ARMC1: variants seen among roughly 807,000 people sequenced by gnomAD.
ARMC1 encodes armadillo repeat containing 1.
A neutral mutation model predicts 31.4 loss-of-function variants in ARMC1; 16 were observed. The ratio of observed to expected loss-of-function variants is 0.51; its 90% CI spans 0.34 to 0.77. The LOEUF (loss-of-function observed/expected upper bound fraction) is 0.77, where lower values mean the gene tolerates loss of function less well. ARMC1 is among the 30% of genes least tolerant of loss of function. The pLI is 0.01. For missense variants in ARMC1, 259 were observed against 347.5 expected (o/e 0.75, Z 2.02); for synonymous variants, 114 against 118.9 (o/e 0.96, Z 0.27).
chr8:65,612,674 CA>C (rs1030909090), intron 4 of ARMC1, among the ~76,000 whole-genome samples: 2 of 149,994 alleles, frequency 1.3e-5, no homozygotes, highest in Non-Finnish European at 3.0e-5. Flanking sequence ...CCAGCCTGGC[CA>C]ACATGGTGAT....
At position 65,623,082 on chromosome 8, in the gene ARMC1, G is replaced by T. The variant is rs1317596631; in HGVS notation, c.184-728C>A. Among the ~76,000 whole-genome samples the T allele has an allele frequency of 3.3e-5, 5 of 151,326 alleles. 1 individual carries two copies. The highest frequency in any genetic ancestry group is 7.4e-5 in the Non-Finnish European group (5 of 67,902). On this transcript the variant is annotated intron_variant, in intron 2 of 6. Transcript: ENST00000276569. ...CTCAGCACTTTAGGAGGCCAAGGCGGGTGGGTCACGAGGTCAGGGGTTCGA... is the reference window on the plus strand; with the variant it reads ...CTCAGCACTTTAGGAGGCCAAGGCGTGTGGGTCACGAGGTCAGGGGTTCGA...
rs776987740 is a variant in ARMC1 at position 65,627,316 on chromosome 8, G to A, written c.83C>T (p.Pro28Leu). The change falls in exon 2 of 7, where the codon CCG (proline) becomes CTG (leucine). Residue 28 changes from proline to leucine, a missense_variant. Physicochemically the swap from Pro to Leu is moderately conservative, Grantham distance 98 (BLOSUM62 -3). Around this residue, in one of 3 missense-constraint regions of ARMC1, gnomAD observed 163 missense variants for 186.7 expected, o/e 0.87. Transcript: ENST00000276569. ...VNQLRDLAAD[P>L]LNRRAIVQDQ... ...CTGGACGATGGCTCTTCTGTTTAAC[G>A]GATCTGCTGCTAGATCCCGTAACTG... is the stretch of plus-strand genomic sequence containing the variant. 10 of 1,613,466 alleles carry A rather than the reference G, an allele frequency of 6.2e-6. No homozygotes were observed. Among genetic ancestry groups the A allele is most frequent in the Non-Finnish European group, 8.5e-6 (10 of 1,179,724 alleles).
At chr8:65,618,723 T>A (rs1307421446) in intron 3 of ARMC1, among the ~76,000 whole-genome samples, 3 of 151,632 alleles carry the variant, frequency 2.0e-5, no homozygotes, top group Admixed American at 6.6e-5. Context: ...CAAGAAACCA[T>A]CCCAATGTTT....
Position 65,615,776 on chromosome 8 carries a change from T to C in ARMC1, c.276-2343A>G, listed in dbSNP as rs541433041. On this transcript the variant is annotated intron_variant, in intron 3 of 6. Transcript: ENST00000276569. ...CAGGTGTGGTGGTGGGTGCCTGTAA[T>C]CCCAGCTACTCAGGCGGTGGAGGCA... Among the ~76,000 whole-genome samples the C allele has an allele frequency of 3.8e-4, 58 of 152,182 alleles. 1 individual carries two copies. Among genetic ancestry groups the C allele is most frequent in the Non-Finnish European group, 2.9e-5 (2 of 68,006 alleles).
chr8:65,627,187 A>C, intron 2 of ARMC1, 29 bp downstream of exon 2: 3 of 1,521,198 alleles, frequency 2.0e-6, no homozygotes, highest in South Asian at 1.3e-5. Context: ...AAAATAGAAC[A>C]GAGATTGAAA....
rs1202067047 is a variant in ARMC1, at chr8:65,620,283, T to C, written c.275+1980A>G. Among the ~76,000 whole-genome samples the C allele has an allele frequency of 2.1e-5, 3 of 142,830 alleles. No homozygotes were observed. The East Asian group carries it at 6.0e-4, about 29-fold the overall frequency. 93.7% of individuals were successfully genotyped at this position (142,830 alleles called of 152,430 possible). On this transcript the variant is annotated intron_variant, in intron 3 of 6. Coordinates refer to ENST00000276569, the MANE Select transcript of ARMC1 (RefSeq NM_018120.6). ...TGAGTTTTTAATTTTAATTAATTAT[T>C]ATTATTATTACTTTTTTTTTTTTTT...
In ARMC1 at chr8:65,602,576, A is replaced by G. The variant is rs1167701460; in HGVS notation, c.*1818T>C. ...TCTGGAATAAAGAACTCTTAGAATT[A>G]GAACACACAAACATCAAGCTGTAAT... is the stretch of plus-strand genomic sequence containing the variant. On this transcript the variant is annotated 3_prime_UTR_variant, in exon 7 of 7. Transcript: ENST00000276569. 1.3e-5 allele frequency: 2 copies of G among 152,230 alleles called. No individual in the cohort carries two copies. The highest frequency in any genetic ancestry group is 2.9e-5 in the Non-Finnish European group (2 of 68,028). The allele number at this position is 152,230 out of a possible 1,614,324, so 9.4% of individuals were successfully genotyped here.
At chr8:65,633,083 C>T (rs940095935) in intron 1 of ARMC1, 1 of 152,212 alleles carries the variant, frequency 6.6e-6, no homozygotes, top group African/African-American at 2.4e-5. Context: ...GCCTATGCTA[C>T]TTGTCACACT....
At chr8:65,629,169 A>AT (rs1808582128) in intron 1 of ARMC1, among the ~76,000 whole-genome samples, 1 of 151,680 alleles carries the variant, frequency 6.6e-6, no homozygotes, top group Non-Finnish European at 1.5e-5. Context: ...AAAAAAAAAA[A>AT]GAAAGAAAGA....
intron 4 of ARMC1, among the ~76,000 whole-genome samples, chr8:65,610,906 T>C (rs900890842): frequency 2.6e-5 from 4 of 152,160 alleles, no homozygotes; most frequent in South Asian, 2.1e-4. Context: ...ATGAAATTTA[T>C]TGGCATAAAG....
chr8:65,624,768 T>C (rs199992862), intron 2 of ARMC1, among the ~76,000 whole-genome samples: 1 of 150,232 alleles, frequency 6.7e-6, no homozygotes, highest in African/African-American at 2.5e-5. Context: ...TAAATTAAAA[T>C]AAAAACAAAA....
chr8:65,615,665 C>T (rs184929087), intron 3 of ARMC1, among the ~76,000 whole-genome samples: 34 of 152,124 alleles, frequency 2.2e-4, no homozygotes, highest in African/African-American at 7.2e-4. Flanking sequence ...CAAGATCCTA[C>T]GACTGCACGC....
intron 4 of ARMC1, among the ~76,000 whole-genome samples, chr8:65,607,940 A>G (rs984805155): frequency 3.3e-5 from 5 of 152,154 alleles, no homozygotes; most frequent in Admixed American, 3.3e-4. Context: ...AAGAAAAAAT[A>G]CCCCTGCACT....
intron 1 of ARMC1, among the ~76,000 whole-genome samples, chr8:65,633,309 C>T (rs1808691491): frequency 6.6e-6 from 1 of 152,264 alleles, no homozygotes; most frequent in African/African-American, 2.4e-5. Context: ...TTAAATCTGA[C>T]TTTCCCCTTA....
At position 65,620,364 on chromosome 8, in the gene ARMC1, C is replaced by T. The variant is rs149564795; in HGVS notation, c.275+1899G>A. Among the ~76,000 whole-genome samples the T allele has an allele frequency of 2.5e-3, 318 of 129,792 alleles. 1 individual carries two copies. The highest frequency in any genetic ancestry group is 9.0e-3 in the African/African-American group (303 of 33,594). 85.1% of individuals were successfully genotyped at this position (129,792 alleles called of 152,430 possible). A position where few individuals can be genotyped will look rare whatever the true frequency, so the allele number is the denominator to read the frequency against. On this transcript the variant is annotated intron_variant, in intron 3 of 6. Transcript: ENST00000276569. ...TCGCCCAGGCTAGAGTGCAGTGGTG[C>T]GATCTTGGCTCACTGCAACCTCTGC...
chr8:65,624,885 C>A (rs7817112), intron 2 of ARMC1, among the ~76,000 whole-genome samples: 96,665 of 152,044 alleles, frequency 0.64, 30,957 homozygotes, highest in African/African-American at 0.69. Flanking sequence ...CTTTGAGAGG[C>A]CAAGACAGGC....
At chr8:65,629,529 G>C (rs762227665) in intron 1 of ARMC1, among the ~76,000 whole-genome samples, 1 of 151,946 alleles carries the variant, frequency 6.6e-6, no homozygotes, top group African/African-American at 2.4e-5. Flanking sequence ...AGATGGGCGC[G>C]GTGGCTCACA....
At chr8:65,608,741 C>G (rs1808057688) in intron 4 of ARMC1, among the ~76,000 whole-genome samples, 1 of 151,298 alleles carries the variant, frequency 6.6e-6, no homozygotes, top group Non-Finnish European at 1.5e-5. Context: ...AACCCCGTCT[C>G]TATAAAAATA....
At chr8:65,615,244 G>T (rs576890475) in intron 3 of ARMC1, among the ~76,000 whole-genome samples, 1 of 152,066 alleles carries the variant, frequency 6.6e-6, no homozygotes, top group African/African-American at 2.4e-5. Flanking sequence ...CTATCAAAAG[G>T]ACTAATTTGT....
Sources: allele counts gnomAD v4.1 joint callset (sites outside exome capture counted in the v4.1 genomes callset), GRCh38; gene constraint gnomAD v4.1.1; regional missense constraint gnomAD v4.1.1; transcripts MANE v1.5; gene names NCBI Gene and HGNC (gene_info 2026-07-23, HGNC 2026-07-21).